NOS1: variants seen among roughly 807,000 people sequenced by gnomAD.
NOS1 encodes NOS type I.
Under a neutral mutation model 164.5 loss-of-function variants are expected in NOS1, and 51 were observed. The observed-to-expected ratio is 0.31, with a 90% CI of 0.25 to 0.39. The LOEUF (loss-of-function observed/expected upper bound fraction) is 0.39, where lower values mean the gene tolerates loss of function less well. NOS1 is among the 10% of genes least tolerant of loss of function. The pLI, the probability that NOS1 is intolerant of heterozygous loss-of-function variation, is 1.00. For missense variants in NOS1, 1,362 were observed against 1,885.6 expected, an observed-to-expected ratio of 0.72 and a Z score of 5.14; for synonymous variants, 719 against 745.8, an observed-to-expected ratio of 0.96 and a Z score of 0.59.
chr12:117,281,636 C>T (rs1873677143), intron 7 of NOS1, among the ~76,000 whole-genome samples: 1 of 151,252 alleles, frequency 6.6e-6, no homozygotes, highest in Non-Finnish European at 1.5e-5. Context: ...GAGATGGAGA[C>T]CATCCTGGCA....
chr12:117,279,178 A>G (rs897687179), intron 8 of NOS1, among the ~76,000 whole-genome samples: 39 of 152,042 alleles, frequency 2.6e-4, no homozygotes, highest in African/African-American at 9.2e-4. Flanking sequence ...GGATATTGAG[A>G]GCATCCTGGC....
At chr12:117,222,616 C>T (rs1956725806) in intron 26 of NOS1, 99 bp downstream of exon 26, 1 of 1,134,242 alleles carries the variant, frequency 8.8e-7, no homozygotes, top group East Asian at 2.4e-5. Context: ...GAGGGAAAAT[C>T]AGGAAGCTTA....
Position 117,214,298 on chromosome 12 carries a change from T to G in NOS1, c.*1011A>C, listed in dbSNP as rs982229720. 4 of 985,320 alleles carry G rather than the reference T, an allele frequency of 4.1e-6. No homozygotes were observed. In the South Asian group the frequency reaches 1.9e-4, roughly 46 times the overall value. The allele number at this position is 985,320 out of a possible 1,614,324, so 61.0% of individuals were successfully genotyped here. On this transcript the variant is annotated 3_prime_UTR_variant, in exon 29 of 29. Transcript: ENST00000317775. The stretch of plus-strand genomic sequence containing the variant: ...CTTTAGGTTCGTATGACATTATGAC[T>G]AGGAAAAACTGAGGACAAGTGACCC...
chr12:117,277,940 C>A lies in NOS1; in HGVS notation c.1664+19G>T, dbSNP rs562472004. On this transcript the variant is annotated intron_variant, in intron 9 of 28. Coordinates refer to ENST00000317775, the MANE Select transcript of NOS1 (RefSeq NM_000620.5). The stretch of plus-strand genomic sequence containing the variant: ...GCAAACCCACTCACCCTCTCCCACC[C>A]CTTGCCAGTCCCTCTTACTTGGGGT... 2.5e-6 allele frequency: 4 copies of A among 1,604,776 alleles called. No individual in the cohort carries two copies. The Admixed American group carries it at 5.0e-5, about 20-fold the overall frequency.
In NOS1 at chr12:117,231,320, AG is replaced by A. The variant is rs201016036; in HGVS notation, c.3405+641del. On this transcript the variant is annotated intron_variant, in intron 22 of 28. Coordinates refer to ENST00000317775, the MANE Select transcript of NOS1 (RefSeq NM_000620.5). The stretch of plus-strand genomic sequence containing the variant: ...GCTAGAGAGTGAGACTCTGTCTCAG[AG>A]AAAAAAAAAAAGAATAAGATCTAGT... Among the ~76,000 whole-genome samples the A allele has an allele frequency of 3.2e-3, 478 of 149,608 alleles. 6 individuals are homozygous for A. The highest frequency in any genetic ancestry group is 0.011 in the African/African-American group (440 of 40,552).
chr12:117,247,603 G>T, intron 17 of NOS1, 81 bp from the exon 18 acceptor site: 1 of 1,266,224 alleles, frequency 7.9e-7, no homozygotes, highest in Admixed American at 2.8e-5. Context: ...GCTAAACTGT[G>T]TCCCCCCAAA....
Position 117,318,287 on chromosome 12 carries a change from C to A in NOS1, c.726-6695G>T, listed in dbSNP as rs559181905. The stretch of plus-strand genomic sequence containing the variant: ...AAGCACCCCAGGTGGTCCATGGACA[C>A]ACTGGGAGACCCATTTCCCTGGGAA... On this transcript the variant is annotated intron_variant, in intron 2 of 28. Coordinates refer to ENST00000317775, the MANE Select transcript of NOS1 (RefSeq NM_000620.5). Among the ~76,000 whole-genome samples, 19 of 152,230 alleles carry A rather than the reference C, an allele frequency of 1.2e-4. No individual in the cohort carries two copies. The South Asian group carries it at 2.9e-3, about 23-fold the overall frequency.
chr12:117,218,118 G>A lies in NOS1; in HGVS notation c.4217C>T (p.Thr1406Met), dbSNP rs1384072068. 6.8e-6 allele frequency: 11 copies of A among 1,614,152 alleles called. No homozygotes were observed. Among genetic ancestry groups the A allele is most frequent in the South Asian group, 1.1e-5 (1 of 91,080 alleles). Residue 1406 changes from threonine (T) to methionine (M), a missense_variant, in exon 28 of 29, where the codon ACG (threonine) becomes ATG (methionine). Physicochemically the swap from Thr to Met is moderately conservative, Grantham distance 81 (BLOSUM62 -1). Around this residue, in one of 4 missense-constraint regions of NOS1, gnomAD observed 737 missense variants for 1,030.3 expected, o/e 0.72. Transcript: ENST00000317775. Reference protein sequence around the residue: ...HEDIFGVTLRTYEVTNRLRSE... With the variant: ...HEDIFGVTLRMYEVTNRLRSE... ...TCTAAGGCGGTTGGTCACTTCGTAC[G>A]TTCGCAGGGTGACTCCAAAAATATC...
In NOS1 at chr12:117,272,367, A is replaced by C; in HGVS notation, c.1839+18T>G. The stretch of plus-strand genomic sequence containing the variant: ...TGCTATGTGCTTTTCCCCTGTGGTG[A>C]CCAGAGAGGGCCCTTACCTCCAGGA... On this transcript the variant is annotated intron_variant, in intron 10 of 28. Transcript: ENST00000317775. The surrounding 1 kb of genome is among the most constrained non-coding windows in gnomAD (Gnocchi z 4.3). 1 of 1,613,906 alleles carries C rather than the reference A, an allele frequency of 6.2e-7. No homozygotes were observed. The highest frequency in any genetic ancestry group is 8.5e-7 in the Non-Finnish European group (1 of 1,179,904).
intron 16 of NOS1, among the ~76,000 whole-genome samples, chr12:117,258,046 A>G (rs1871603690): frequency 6.6e-6 from 1 of 151,854 alleles, no homozygotes; most frequent in Admixed American, 6.6e-5. Flanking sequence ...CTTGTGATCC[A>G]TCTGCCTCGG....
chr12:117,222,997 A>G, intron 25 of NOS1, 134 bp from the exon 26 acceptor site: 1 of 980,298 alleles, frequency 1.0e-6, no homozygotes, highest in Non-Finnish European at 1.5e-6. Context: ...TAGGACAGGC[A>G]GATGTATGCG....
rs747341677 is a variant in NOS1, at chr12:117,220,243, C to T, written c.4002G>A (p.Glu1334=). Residue 1334 remains glutamate, a synonymous_variant, in exon 27 of 29, where the codon GAG becomes GAA. Transcript: ENST00000317775. ...PKKYVQDILQ[E]QLAESVYRAL... is the part of the protein sequence containing the mutation. ...CTCGGTACACAGACTCCGCCAGCTGCTCCTGCAGGATGTCCTGCACGTACT... is the reference window on the plus strand; with the variant it reads ...CTCGGTACACAGACTCCGCCAGCTGTTCCTGCAGGATGTCCTGCACGTACT... 2 of 1,611,422 alleles carry T rather than the reference C, an allele frequency of 1.2e-6. No individual in the cohort carries two copies. The highest frequency in any genetic ancestry group is 2.2e-5 in the East Asian group (1 of 44,882).
chr12:117,228,024 C>T (rs1246530559), intron 22 of NOS1, among the ~76,000 whole-genome samples: 1 of 149,576 alleles, frequency 6.7e-6, no homozygotes, highest in African/African-American at 2.5e-5. Flanking sequence ...GAGTGAGACC[C>T]TGTTGACAGA....
chr12:117,286,770 T>C (rs1874151772), intron 5 of NOS1, among the ~76,000 whole-genome samples: 1 of 152,228 alleles, frequency 6.6e-6, no homozygotes, highest in Non-Finnish European at 1.5e-5. Context: ...TCTTGGGGAA[T>C]ACTTCCCCAC....
chr12:117,329,686 T>G (rs1847668273), intron 2 of NOS1, among the ~76,000 whole-genome samples: 1 of 152,178 alleles, frequency 6.6e-6, no homozygotes, highest in South Asian at 2.1e-4. Flanking sequence ...AACATTAATC[T>G]GGCAAACACA....
intron 1 of NOS1, among the ~76,000 whole-genome samples, chr12:117,333,429 C>A (rs1875643884): frequency 6.6e-6 from 1 of 152,112 alleles, no homozygotes; most frequent in Non-Finnish European, 1.5e-5. Flanking sequence ...CAGGGTCACC[C>A]CAGGGCTGAG....
intron 3 of NOS1, among the ~76,000 whole-genome samples, chr12:117,308,895 A>T (rs972162689): frequency 6.6e-6 from 1 of 152,152 alleles, no homozygotes; most frequent in Admixed American, 6.6e-5. Flanking sequence ...GTGCCTGGCC[A>T]TAGATTATGT....
At chr12:117,258,614 T>C (rs1403639158) in intron 15 of NOS1, among the ~76,000 whole-genome samples, 159 bp from the exon 16 acceptor site, 2 of 152,158 alleles carry the variant, frequency 1.3e-5, no homozygotes, top group Admixed American at 1.3e-4. Flanking sequence ...CAGTAATGCC[T>C]GGGCTACAGA....
intron 18 of NOS1, among the ~76,000 whole-genome samples, chr12:117,245,314 T>A (rs1870535188): frequency 6.6e-6 from 1 of 152,196 alleles, no homozygotes; most frequent in South Asian, 2.1e-4. Context: ...CCAGTTTAGT[T>A]ATCCTCATAT....
Sources: gnomAD v4.1 joint callset for allele counts (sites outside exome capture counted in the v4.1 genomes callset) on GRCh38, gnomAD v4.1.1 for gene constraint, gnomAD v4.1.1 regional missense constraint, Gnocchi (gnomAD v3.1) non-coding constraint, MANE v1.5 for transcripts, NCBI Gene and HGNC (gene_info 2026-07-23, HGNC 2026-07-21) for gene names.